PCDHGB7: variants seen among roughly 807,000 people sequenced by gnomAD.
The protein encoded by PCDHGB7 is protocadherin gamma subfamily B, 7, also known as protocadherin gamma-B7.
PCDHGB7 carries 37 observed loss-of-function variants against 61.4 expected under a neutral mutation model. The ratio of observed to expected loss-of-function variants is 0.60; its 90% CI spans 0.46 to 0.79. The LOEUF is 0.79. Ranked by LOEUF, PCDHGB7 falls within the 30% of genes least tolerant of loss-of-function variation. The pLI, the probability that PCDHGB7 is intolerant of heterozygous loss-of-function variation, is 0.00. For synonymous variants in PCDHGB7, 464 were observed against 503.5 expected (o/e 0.92, Z 1.05); for missense variants, 1,166 against 1,202.5 (o/e 0.97, Z 0.45).
intron 1 of PCDHGB7, among the ~76,000 whole-genome samples, chr5:141,482,530 CAAAA>C (rs3074545): frequency 9.1e-5 from 7 of 76,540 alleles, no homozygotes; most frequent in South Asian, 4.6e-4. Flanking sequence ...GACAGACATG[CAAAA>C]AAAAAAAAAA....
At chr5:141,500,500 C>T (rs6872480) in intron 2 of PCDHGB7, among the ~76,000 whole-genome samples, 1,599 of 152,210 alleles carry the variant, frequency 0.011, 36 homozygotes, top group African/African-American at 0.036. Context: ...TGAGCCACCG[C>T]GCCTGGCCGA....
At chr5:141,502,056 C>A (rs1163976282) in intron 2 of PCDHGB7, among the ~76,000 whole-genome samples, 1 of 152,116 alleles carries the variant, frequency 6.6e-6, no homozygotes, top group Non-Finnish European at 1.5e-5. Context: ...CTACTTTATT[C>A]CCATTAGCCC....
intron 1 of PCDHGB7, 171 bp downstream of exon 1, chr5:141,420,445 T>C: frequency 9.6e-7 from 1 of 1,044,750 alleles, no homozygotes; most frequent in Non-Finnish European, 1.3e-6. Context: ...AATGCCTCAG[T>C]CTTCCTACTA....
intron 1 of PCDHGB7, among the ~76,000 whole-genome samples, chr5:141,481,749 C>G (rs958851030): frequency 7.9e-5 from 12 of 151,976 alleles, no homozygotes; most frequent in African/African-American, 2.9e-4. Context: ...GTCAGGAGTC[C>G]AAGACCAGCC....
chr5:141,422,723 G>A lies in PCDHGB7; in HGVS notation c.2415+2449G>A. The stretch of plus-strand genomic sequence containing the variant: ...TCTCTGACGGATGACACTGTCCAGG[G>A]GGTGCCTCTGTCCTCCTATGTCTCT... On this transcript the variant is annotated intron_variant, in intron 1 of 3. Coordinates refer to ENST00000398594, the MANE Select transcript of PCDHGB7 (RefSeq NM_018927.4). The A allele has an allele frequency of 1.2e-6, 2 of 1,605,958 alleles. No homozygotes were observed. The highest frequency in any genetic ancestry group is 1.7e-6 in the Non-Finnish European group (2 of 1,175,478).
chr5:141,438,599 T>C (rs1320902737), intron 1 of PCDHGB7, among the ~76,000 whole-genome samples: 17 of 32,510 alleles, frequency 5.2e-4, no homozygotes, highest in African/African-American at 6.7e-4. Flanking sequence ...TACATATATA[T>C]ATATATATAT....
In PCDHGB7 at chr5:141,473,538, T is replaced by C. The variant is rs544537855; in HGVS notation, c.2416-21269T>C. Among the ~76,000 whole-genome samples, 58 of 152,328 alleles carry C rather than the reference T, an allele frequency of 3.8e-4. 1 individual carries two copies. Among genetic ancestry groups the C allele is most frequent in the African/African-American group, 1.3e-3 (55 of 41,576 alleles). Reference sequence around the variant, plus strand: ...AAGGATCCTGGTTTTAACTGGGGCCTAATGGAAGACCTCTATTAGGAAATA... The same window carrying C: ...AAGGATCCTGGTTTTAACTGGGGCCCAATGGAAGACCTCTATTAGGAAATA... On this transcript the variant is annotated intron_variant, in intron 1 of 3. Coordinates refer to ENST00000398594, the MANE Select transcript of PCDHGB7 (RefSeq NM_018927.4).
chr5:141,430,587 T>C, intron 1 of PCDHGB7: 1 of 521,996 alleles, frequency 1.9e-6, no homozygotes, highest in Non-Finnish European at 3.1e-6. Context: ...CCTGCTCGCC[T>C]TGCACGCGCC....
chr5:141,433,837 CAAA>C (rs56191208), intron 1 of PCDHGB7, among the ~76,000 whole-genome samples: 5 of 111,684 alleles, frequency 4.5e-5, no homozygotes, highest in Admixed American at 2.0e-4. Flanking sequence ...AACTCTATCT[CAAA>C]AAAAAAAAAA....
In PCDHGB7 at chr5:141,512,264, C is replaced by G. The variant is rs1453959730; in HGVS notation, c.*1091C>G. 6.5e-6 allele frequency: 1 copy of G among 152,684 alleles called. No homozygotes were observed. The highest frequency in any genetic ancestry group is 1.5e-5 in the Non-Finnish European group (1 of 68,096). 9.5% of individuals were successfully genotyped at this position (152,684 alleles called of 1,614,324 possible). ...GGGGCCTCTGTGGGTGCTGGGTACTCCAGAGGTGCCACTGGTGGAAGGGTC... is the reference window on the plus strand; with the variant it reads ...GGGGCCTCTGTGGGTGCTGGGTACTGCAGAGGTGCCACTGGTGGAAGGGTC... On this transcript the variant is annotated 3_prime_UTR_variant, in exon 4 of 4. Transcript: ENST00000398594.
At chr5:141,438,631 TATATACACAC>T (rs1330021858) in intron 1 of PCDHGB7, among the ~76,000 whole-genome samples, 2,835 of 42,824 alleles carry the variant, frequency 0.066, 23 homozygotes, top group African/African-American at 0.13. Flanking sequence ...TATATATATA[TATATACACAC>T]ACACACACAC....
Position 141,419,368 on chromosome 5 carries a change from C to T in PCDHGB7, c.1509C>T (p.Ser503=). 6.2e-7 allele frequency: 1 copy of T among 1,613,776 alleles called. No homozygotes were observed. Among genetic ancestry groups the T allele is most frequent in the Non-Finnish European group, 8.5e-7 (1 of 1,179,894 alleles). ...ASDLESRTLS[S]YVSVSAQSGV... Reference sequence around the variant, plus strand: ...ACCTGGAGTCACGAACGCTGTCGTCCTACGTGTCCGTGAGCGCGCAGAGCG... The same window carrying T: ...ACCTGGAGTCACGAACGCTGTCGTCTTACGTGTCCGTGAGCGCGCAGAGCG... Residue 503 remains serine, a synonymous_variant, in exon 1 of 4, where the codon TCC becomes TCT. Transcript: ENST00000398594.
chr5:141,475,885 A>T, intron 1 of PCDHGB7: 1 of 556,524 alleles, frequency 1.8e-6, no homozygotes, highest in Non-Finnish European at 3.2e-6. Flanking sequence ...ATTGGCTGGG[A>T]CTCTGTGTGC....
intron 1 of PCDHGB7, chr5:141,421,248 C>G: frequency 1.2e-6 from 2 of 1,604,936 alleles, no homozygotes; most frequent in Middle Eastern, 1.7e-4. Flanking sequence ...GGCTACAGCG[C>G]GGGGACCGCA....
At chr5:141,502,169 G>A (rs1366413076) in intron 2 of PCDHGB7, among the ~76,000 whole-genome samples, 1 of 152,110 alleles carries the variant, frequency 6.6e-6, no homozygotes, top group African/African-American at 2.4e-5. Flanking sequence ...ATTCAGTTGA[G>A]GAATTTAACA....
At chr5:141,446,624 G>C (rs1433894248) in intron 1 of PCDHGB7, among the ~76,000 whole-genome samples, 1 of 151,930 alleles carries the variant, frequency 6.6e-6, no homozygotes, top group African/African-American at 2.4e-5. Flanking sequence ...CTACAGGCGT[G>C]CACCACCACG....
In PCDHGB7 at chr5:141,419,620, G is replaced by A. The variant is rs776986192; in HGVS notation, c.1761G>A (p.Leu587=). 9 of 1,612,304 alleles carry A rather than the reference G, an allele frequency of 5.6e-6. No individual in the cohort carries two copies. Among genetic ancestry groups the A allele is most frequent in the Non-Finnish European group, 7.6e-6 (9 of 1,179,748 alleles). The change falls in exon 1 of 4, where the codon CTG becomes CTA. Residue 587 remains leucine (L), a synonymous_variant. Coordinates refer to ENST00000398594, the MANE Select transcript of PCDHGB7 (RefSeq NM_018927.4). The part of the protein sequence containing the change: ...TVPRAAQPGY[L]VTKVVAVDAD... ...CGCGGGCCGCGCAGCCAGGCTACCT[G>A]GTGACCAAGGTGGTGGCCGTGGACG...
chr5:141,509,292 T>A (rs1407798154), intron 3 of PCDHGB7, among the ~76,000 whole-genome samples: 1 of 152,028 alleles, frequency 6.6e-6, no homozygotes, highest in Non-Finnish European at 1.5e-5. Context: ...GGGTCCAGGG[T>A]GGAGGCAGAG....
intron 1 of PCDHGB7, among the ~76,000 whole-genome samples, chr5:141,459,559 A>AC (rs920626314): frequency 6.6e-6 from 1 of 152,198 alleles, no homozygotes; most frequent in Non-Finnish European, 1.5e-5. Flanking sequence ...TTGGATAAAT[A>AC]CCCCAAAACA....
Sources: gnomAD v4.1 joint callset for allele counts (sites outside exome capture counted in the v4.1 genomes callset) on GRCh38, gnomAD v4.1.1 for gene constraint, MANE v1.5 for transcripts, NCBI Gene and HGNC (gene_info 2026-07-23, HGNC 2026-07-21) for gene names.